The following MACROD2 variants were observed in gnomAD, a reference collection of about 807,000 sequenced individuals.
MACROD2 encodes the protein mono-ADP ribosylhydrolase 2.
In MACROD2, 36 loss-of-function variants were observed where a neutral mutation model predicts 70.4. That is an observed-to-expected ratio of 0.51 (90% CI 0.39 to 0.68). MACROD2 has a LOEUF of 0.68. Among genes scored for constraint, MACROD2 ranks in the 30% least tolerant of loss-of-function variants. MACROD2 has a pLI of 0.00. For synonymous variants in MACROD2, 172 were observed against 178.8 expected (o/e 0.96, Z 0.30); for missense variants, 496 against 538.4 (o/e 0.92, Z 0.78).
Position 15,477,621 on chromosome 20 carries a change from G to A in MACROD2, c.572-22153G>A, listed in dbSNP as rs925229853. 3.3e-5 allele frequency among the ~76,000 whole-genome samples: 5 copies of A among 152,204 alleles called. No individual in the cohort carries two copies. The East Asian group carries it at 7.7e-4, about 24-fold the overall frequency. On this transcript the variant is annotated intron_variant, in intron 7 of 17. Transcript: ENST00000684519. ...CCAATGAAGGGTACATTAACAAATGGGTTATTGCTGTGGCAACAAGGGTTC... is the reference window on the plus strand; with the variant it reads ...CCAATGAAGGGTACATTAACAAATGAGTTATTGCTGTGGCAACAAGGGTTC...
chr20:14,712,304 A>T (rs1351014715), intron 5 of MACROD2, among the ~76,000 whole-genome samples: 1 of 152,222 alleles, frequency 6.6e-6, no homozygotes, highest in African/African-American at 2.4e-5. Context: ...AAATAAATTA[A>T]GGCAGAAAGC....
chr20:14,860,268 G>C lies in MACROD2; in HGVS notation c.418+175309G>C, dbSNP rs985624123. Among the ~76,000 whole-genome samples, 4 of 152,282 alleles carry C rather than the reference G, an allele frequency of 2.6e-5. No individual in the cohort carries two copies. In the South Asian group the frequency reaches 8.3e-4, roughly 32 times the overall value. On this transcript the variant is annotated intron_variant, in intron 5 of 17. Coordinates refer to ENST00000684519, the MANE Select transcript of MACROD2 (RefSeq NM_001351661.2). ...TAAATCCTTGTCAAGTGCAAGGTCTGTGTCATAAATGCTTTCAATATTGAG... is the reference window on the plus strand; with the variant it reads ...TAAATCCTTGTCAAGTGCAAGGTCTCTGTCATAAATGCTTTCAATATTGAG...
At chr20:14,250,822 A>G (rs1276583604) in intron 3 of MACROD2, among the ~76,000 whole-genome samples, 1 of 152,116 alleles carries the variant, frequency 6.6e-6, no homozygotes, top group Non-Finnish European at 1.5e-5. Context: ...ATCTGAAAAA[A>G]TGCAATAATA....
At chr20:14,970,549 T>C (rs184521812) in intron 5 of MACROD2, among the ~76,000 whole-genome samples, 1 of 152,278 alleles carries the variant, frequency 6.6e-6, no homozygotes, top group African/African-American at 2.4e-5. Context: ...GAAAAAGTGA[T>C]TGGTTTGTAT....
chr20:14,998,810 A>C (rs1054779321), intron 5 of MACROD2, among the ~76,000 whole-genome samples: 4 of 152,182 alleles, frequency 2.6e-5, no homozygotes, highest in Non-Finnish European at 5.9e-5. Flanking sequence ...TTTAACCCAA[A>C]GAAGACTACA....
chr20:14,326,837 G>C lies in MACROD2; in HGVS notation c.272-166642G>C, dbSNP rs2082743982. The C allele has an allele frequency of 6.2e-7, 1 of 1,613,576 alleles. No individual in the cohort carries two copies. Among genetic ancestry groups the C allele is most frequent in the Admixed American group, 1.7e-5 (1 of 59,942 alleles). On this transcript the variant is annotated intron_variant, in intron 3 of 17. Transcript: ENST00000684519. This position sits in a 1 kb window ranked among gnomAD's most constrained non-coding sequence, Gnocchi z 5.5. The stretch of plus-strand genomic sequence containing the variant: ...AGGGACAGCTCTGTCAAATTAACTA[G>C]GTTGAAGAAAACTTTGTCACCTAAA...
At chr20:15,176,804 G>C (rs2076465684) in intron 5 of MACROD2, among the ~76,000 whole-genome samples, 1 of 152,200 alleles carries the variant, frequency 6.6e-6, no homozygotes, top group Non-Finnish European at 1.5e-5. Flanking sequence ...ATGAGAAGGA[G>C]AGAAGAGCTG....
At chr20:15,587,260 C>G (rs187009800) in intron 8 of MACROD2, among the ~76,000 whole-genome samples, 1 of 152,172 alleles carries the variant, frequency 6.6e-6, no homozygotes, top group Non-Finnish European at 1.5e-5. Context: ...TACTCCCTAT[C>G]ATGAGAATAC....
intron 7 of MACROD2, among the ~76,000 whole-genome samples, chr20:15,435,892 T>C (rs1178305545): frequency 6.6e-6 from 1 of 152,164 alleles, no homozygotes; most frequent in Non-Finnish European, 1.5e-5. Flanking sequence ...CTTGGAGGGC[T>C]GTCACCAGGC....
chr20:14,966,632 A>G (rs1339044486), intron 5 of MACROD2, among the ~76,000 whole-genome samples: 1 of 152,196 alleles, frequency 6.6e-6, no homozygotes, highest in Non-Finnish European at 1.5e-5. Context: ...CAAAGCAGCC[A>G]TTCTTCTGAG....
intron 8 of MACROD2, among the ~76,000 whole-genome samples, chr20:15,801,320 G>A (rs2063724357): frequency 6.6e-6 from 1 of 152,008 alleles, no homozygotes; most frequent in Non-Finnish European, 1.5e-5. Context: ...GGATAGTTGG[G>A]CTGGAGCAGA....
intron 5 of MACROD2, among the ~76,000 whole-genome samples, chr20:14,925,788 T>A (rs1374326819): frequency 6.6e-6 from 1 of 152,212 alleles, no homozygotes; most frequent in East Asian, 1.9e-4. Flanking sequence ...GCATTCGAAT[T>A]GGTACCTTAA....
chr20:15,845,759 C>T (rs147408977), intron 8 of MACROD2, among the ~76,000 whole-genome samples: 7 of 152,274 alleles, frequency 4.6e-5, no homozygotes, highest in African/African-American at 1.7e-4. Flanking sequence ...AATTACTTCA[C>T]ACACATCATT....
intron 3 of MACROD2, among the ~76,000 whole-genome samples, chr20:14,233,524 C>G (rs2081838471): frequency 1.5e-5 from 1 of 67,060 alleles, no homozygotes; most frequent in Non-Finnish European, 4.1e-5. Flanking sequence ...AACCCCGTCT[C>G]TACTAAAAAA....
chr20:14,148,288 G>A (rs909545606), intron 3 of MACROD2, among the ~76,000 whole-genome samples: 5 of 152,144 alleles, frequency 3.3e-5, no homozygotes, highest in Non-Finnish European at 5.9e-5. Flanking sequence ...CGTATGTTTG[G>A]GAAGAATGTA....
chr20:15,194,468 C>T (rs1400532405), intron 5 of MACROD2, among the ~76,000 whole-genome samples: 1 of 151,990 alleles, frequency 6.6e-6, no homozygotes, highest in African/African-American at 2.4e-5. Context: ...TCTAGACTTA[C>T]AGAAGGGTTG....
intron 5 of MACROD2, among the ~76,000 whole-genome samples, chr20:14,748,070 C>T (rs1226321665): frequency 2.0e-5 from 3 of 152,082 alleles, no homozygotes; most frequent in Non-Finnish European, 4.4e-5. Context: ...AGATGTACCA[C>T]ATATACAAGA....
intron 6 of MACROD2, among the ~76,000 whole-genome samples, chr20:15,327,666 A>G (rs2077945906): frequency 6.6e-6 from 1 of 152,100 alleles, no homozygotes; most frequent in Admixed American, 6.6e-5. Context: ...TATGGGAACT[A>G]CAATTCAAGA....
chr20:15,754,779 T>G (rs1294376491), intron 8 of MACROD2, among the ~76,000 whole-genome samples: 1 of 151,618 alleles, frequency 6.6e-6, no homozygotes, highest in African/African-American at 2.4e-5. Flanking sequence ...GAATTATATT[T>G]CAAATGTTAA....
Sources: gnomAD v4.1 joint callset for allele counts (sites outside exome capture counted in the v4.1 genomes callset) on GRCh38, gnomAD v4.1.1 for gene constraint, Gnocchi (gnomAD v3.1) non-coding constraint, MANE v1.5 for transcripts, NCBI Gene and HGNC (gene_info 2026-07-23, HGNC 2026-07-21) for gene names.